The following IGF2R variants were observed in gnomAD, a reference collection of about 807,000 sequenced individuals.
IGF2R encodes the protein insulin like growth factor 2 receptor.
In IGF2R, 91 loss-of-function variants were observed where a neutral mutation model predicts 270.6. The ratio of observed to expected loss-of-function variants is 0.34; its 90% CI spans 0.28 to 0.40. IGF2R has a LOEUF of 0.40. IGF2R is among the 10% of genes least tolerant of loss of function. IGF2R has a pLI of 1.00. For missense variants in IGF2R, 2,805 were observed against 3,188.3 expected (o/e 0.88, Z 2.90); for synonymous variants, 1,316 against 1,258.9 (o/e 1.05, Z -0.96).
chr6:160,055,637 GTGT>G (rs1220112695), intron 19 of IGF2R, among the ~76,000 whole-genome samples: 1 of 152,194 alleles, frequency 6.6e-6, no homozygotes, highest in Admixed American at 6.5e-5. Context: ...TGTGGACTCA[GTGT>G]TAGTGGCTGT....
At chr6:160,002,831 G>A (rs1399429822) in intron 2 of IGF2R, among the ~76,000 whole-genome samples, 1 of 152,092 alleles carries the variant, frequency 6.6e-6, no homozygotes, top group South Asian at 2.1e-4. Context: ...CTTTGGATTG[G>A]AGTTATATTA....
intron 1 of IGF2R, among the ~76,000 whole-genome samples, chr6:159,980,196 A>AAAGGAAGAAAGGAAGAAAGG (rs1301006697): frequency 1.3e-5 from 1 of 77,406 alleles, no homozygotes; most frequent in African/African-American, 6.7e-5. Flanking sequence ...AGAAAGAAAG[A>AAAGGAAGAAAGGAAGAAAGG]AAGAAAGAAA....
At chr6:160,093,205 T>C in intron 44 of IGF2R, 1 of 167,454 alleles carries the variant, frequency 6.0e-6, no homozygotes, top group South Asian at 1.7e-4. Context: ...CAGCCGGAGG[T>C]GCTTCCCCAA....
At chr6:159,997,818 AC>A (rs1462114528) in intron 2 of IGF2R, among the ~76,000 whole-genome samples, 2 of 151,930 alleles carry the variant, frequency 1.3e-5, no homozygotes, top group African/African-American at 4.8e-5. Flanking sequence ...AACAAAAGAA[AC>A]CCCCACTTGT....
At chr6:159,986,402 T>TGTG (rs1583242972) in intron 1 of IGF2R, among the ~76,000 whole-genome samples, 33 of 131,926 alleles carry the variant, frequency 2.5e-4, no homozygotes, top group Admixed American at 4.8e-4. Context: ...TGGCTAATTT[T>TGTG]TGTGTGTGTG....
At chr6:160,048,005 A>G in intron 17 of IGF2R, 98 bp downstream of exon 17, 1 of 834,224 alleles carries the variant, frequency 1.2e-6, no homozygotes, top group Non-Finnish European at 2.1e-6. Context: ...ATGGGGAGTG[A>G]TGCTGGCTGT....
intron 19 of IGF2R, among the ~76,000 whole-genome samples, chr6:160,052,326 A>G (rs1286543832): frequency 2.6e-5 from 4 of 152,246 alleles, no homozygotes; most frequent in African/African-American, 4.8e-5. Flanking sequence ...GTGAACTCCC[A>G]TTCACAATTG....
At chr6:160,068,065 G>GGGGT (rs1554246615) in intron 29 of IGF2R, among the ~76,000 whole-genome samples, 184 bp from the exon 30 acceptor site, 19 of 77,400 alleles carry the variant, frequency 2.5e-4, no homozygotes, top group Non-Finnish European at 4.2e-4. Context: ...TCTGATGGGG[G>GGGGT]GTGTGTGTGT....
chr6:160,045,717 G>T, intron 13 of IGF2R, 28 bp from the exon 14 acceptor site: 1 of 1,613,524 alleles, frequency 6.2e-7, no homozygotes. Context: ...ACGGATTAGT[G>T]ATCCCCATCT....
chr6:160,084,225 G>A lies in IGF2R; in HGVS notation c.6068+41G>A. ...GTCCACCCGCGGCGCCACACCCTCA[G>A]CATGTGAACTTCAGACTGCTTGACG... is the stretch of plus-strand genomic sequence containing the variant. On this transcript the variant is annotated intron_variant, in intron 40 of 47. Coordinates refer to ENST00000356956, the MANE Select transcript of IGF2R (RefSeq NM_000876.4). This position sits in a 1 kb window ranked among gnomAD's most constrained non-coding sequence, Gnocchi z 4.6. 1 of 1,218,634 alleles carries A rather than the reference G, an allele frequency of 8.2e-7. No homozygotes were observed. Among genetic ancestry groups the A allele is most frequent in the Admixed American group, 1.7e-5 (1 of 58,254 alleles). 75.5% of individuals were successfully genotyped at this position (1,218,634 alleles called of 1,614,324 possible). A position where few individuals can be genotyped will look rare whatever the true frequency, so the allele number is the denominator to read the frequency against.
intron 2 of IGF2R, among the ~76,000 whole-genome samples, chr6:160,002,426 A>C (rs1415417477): frequency 2.0e-5 from 3 of 152,138 alleles, no homozygotes; most frequent in Non-Finnish European, 4.4e-5. Flanking sequence ...AGAGAAAATT[A>C]TGTTTATTAT....
chr6:160,009,963 G>A (rs1784307439), intron 3 of IGF2R, among the ~76,000 whole-genome samples: 1 of 146,444 alleles, frequency 6.8e-6, no homozygotes, highest in South Asian at 2.2e-4. Context: ...CATATAAATT[G>A]CATCGTTGTG....
chr6:160,011,753 G>C (rs961258954), intron 4 of IGF2R, among the ~76,000 whole-genome samples: 1 of 151,972 alleles, frequency 6.6e-6, no homozygotes, highest in African/African-American at 2.4e-5. Context: ...CCTGGTCCTG[G>C]GGAAGAGCAG....
intron 10 of IGF2R, among the ~76,000 whole-genome samples, chr6:160,039,408 A>G (rs911344774): frequency 1.3e-5 from 2 of 152,248 alleles, no homozygotes; most frequent in African/African-American, 4.8e-5. Context: ...ACGTAACTGT[A>G]TAAAGAAAGT....
chr6:160,000,665 C>T (rs9355282), intron 2 of IGF2R, among the ~76,000 whole-genome samples: 28,935 of 149,952 alleles, frequency 0.19, 3,423 homozygotes, highest in East Asian at 0.57. Context: ...TTTATTTATA[C>T]GTTGCTGTAG....
At position 160,032,689 on chromosome 6, in the gene IGF2R, C is replaced by T; in HGVS notation, c.1021C>T (p.Leu341Phe). The T allele has an allele frequency of 6.2e-7, 1 of 1,614,022 alleles. No homozygotes were observed. The highest frequency in any genetic ancestry group is 8.5e-7 in the Non-Finnish European group (1 of 1,179,996). The change falls in exon 8 of 48, where the codon CTC becomes TTC. Residue 341 changes from leucine to phenylalanine, a missense_variant. This residue lies in a region of IGF2R where 954 missense variants were observed against 981.1 expected (regional missense o/e 0.97). Transcript: ENST00000356956. ...SGEQQDVSID[L>F]TPLAQSGGSS... ...CGAGCAGCAGGATGTCTCCATAGAC[C>T]TCACACCACTTGCCCAGAGCGGAGG...
At chr6:160,048,180 T>C (rs1235975279) in intron 17 of IGF2R, among the ~76,000 whole-genome samples, 195 bp from the exon 18 acceptor site, 3 of 152,144 alleles carry the variant, frequency 2.0e-5, no homozygotes, top group East Asian at 3.8e-4. Context: ...ACAGTTAAGG[T>C]CCACTGCATA....
At chr6:160,014,188 T>A (rs967191804) in intron 4 of IGF2R, among the ~76,000 whole-genome samples, 1 of 152,252 alleles carries the variant, frequency 6.6e-6, no homozygotes, top group Non-Finnish European at 1.5e-5. Flanking sequence ...CCTACTGTAG[T>A]GCCCTTGGGA....
At chr6:160,082,312 A>AT (rs71682394) in intron 39 of IGF2R, among the ~76,000 whole-genome samples, 7,036 of 145,878 alleles carry the variant, frequency 0.048, 291 homozygotes, top group African/African-American at 0.1. Flanking sequence ...ATTATCTTAA[A>AT]TTTTTTTTTT....
Sources: allele counts gnomAD v4.1 joint callset (sites outside exome capture counted in the v4.1 genomes callset), GRCh38; gene constraint gnomAD v4.1.1; regional missense constraint gnomAD v4.1.1; non-coding constraint Gnocchi (gnomAD v3.1); transcripts MANE v1.5; gene names NCBI Gene and HGNC (gene_info 2026-07-23, HGNC 2026-07-21).